The following PGPEP1 variants were observed in gnomAD, a reference collection of about 807,000 sequenced individuals.
PGPEP1 encodes pyroglutamyl-peptidase 1.
Under a neutral mutation model 24.1 loss-of-function variants are expected in PGPEP1, and 15 were observed. The observed-to-expected ratio is 0.62, with a 90% CI of 0.42 to 0.96. PGPEP1 has a LOEUF of 0.96. Ranked by LOEUF, PGPEP1 falls within the 40% of genes least tolerant of loss-of-function variation. The pLI is 0.00. For missense variants in PGPEP1, 242 were observed against 273.4 expected (o/e 0.89, Z 0.81); for synonymous variants, 122 against 116.4 (o/e 1.05, Z -0.31).
chr19:18,357,668 A>T, intron 4 of PGPEP1, 53 bp downstream of exon 4: 1 of 1,311,066 alleles, frequency 7.6e-7, no homozygotes. Context: ...CCACCCACTG[A>T]GCCTGGTGTA....
rs1328085870 is a variant in PGPEP1, at chr19:18,340,609, G to C, written c.-73G>C. Reference sequence around the variant, plus strand: ...GACAGGGGCGTGGCCTCGCGCGGCCGAGAGGCTGCAGCGGCAGCAGCTGTC... The same window carrying C: ...GACAGGGGCGTGGCCTCGCGCGGCCCAGAGGCTGCAGCGGCAGCAGCTGTC... On this transcript the variant is annotated 5_prime_UTR_variant, in exon 1 of 5. Transcript: ENST00000269919. 57 of 1,416,012 alleles carry C rather than the reference G, an allele frequency of 4.0e-5. No homozygotes were observed. In the South Asian group the frequency reaches 4.5e-4, roughly 11 times the overall value. 87.7% of individuals were successfully genotyped at this position (1,416,012 alleles called of 1,614,324 possible).
At chr19:18,362,819 G>C (rs1971380861) in intron 4 of PGPEP1, among the ~76,000 whole-genome samples, 1 of 151,664 alleles carries the variant, frequency 6.6e-6, no homozygotes, top group African/African-American at 2.4e-5. Flanking sequence ...TGGAGGCCAG[G>C]TTGCACTCCA....
In PGPEP1 at chr19:18,357,576, GC is replaced by G; in HGVS notation, c.400del (p.Leu134TrpfsTer5). 1 of 1,612,058 alleles carries G rather than the reference GC, an allele frequency of 6.2e-7. No homozygotes were observed. Among genetic ancestry groups the G allele is most frequent in the Non-Finnish European group, 8.5e-7 (1 of 1,179,106 alleles). On this transcript the variant is annotated frameshift_variant, in exon 4 of 5. Coordinates refer to ENST00000269919, the MANE Select transcript of PGPEP1 (RefSeq NM_017712.4). LOFTEE classifies it high-confidence loss of function. The part of the protein sequence containing the change: ...DAVCKRVTTL[G>X]LDVSVTISQD... ...GTGTGCAAGCGAGTCACCACGTTGGGCCTGGATGTGTCGGTGACCATCTCGC... is the reference window on the plus strand; with the variant it reads ...GTGTGCAAGCGAGTCACCACGTTGGGCTGGATGTGTCGGTGACCATCTCGC...
chr19:18,346,049 T>C (rs1458775639), intron 2 of PGPEP1, among the ~76,000 whole-genome samples: 1 of 151,676 alleles, frequency 6.6e-6, no homozygotes, highest in Non-Finnish European at 1.5e-5. Context: ...ATCTCGAACA[T>C]TCTCTGGTTC....
chr19:18,345,398 TAAACA>T (rs1225432942), intron 2 of PGPEP1, among the ~76,000 whole-genome samples: 3 of 151,738 alleles, frequency 2.0e-5, no homozygotes, highest in African/African-American at 7.2e-5. Context: ...TTGTTTCACT[TAAACA>T]AAACAAAACA....
chr19:18,362,600 C>T (rs1004118085), intron 4 of PGPEP1, among the ~76,000 whole-genome samples: 3 of 151,580 alleles, frequency 2.0e-5, no homozygotes, highest in Non-Finnish European at 2.9e-5. Flanking sequence ...GTGTGGCCCA[C>T]GCCCGTAATC....
rs1311791811 is a variant in PGPEP1 at position 18,363,461 on chromosome 19, C to T, written c.508C>T (p.Pro170Ser). 4 of 1,614,112 alleles carry T rather than the reference C, an allele frequency of 2.5e-6. No individual in the cohort carries two copies. The highest frequency in any genetic ancestry group is 4.5e-5 in the East Asian group (2 of 44,882). Residue 170 changes from proline to serine, a missense_variant, in exon 5 of 5, where the codon CCC becomes TCC. Transcript: ENST00000269919. ...SHGRSAFVHV[P>S]PLGKPYNADQ... is the part of the protein sequence containing the mutation. The stretch of plus-strand genomic sequence containing the variant: ...CGGTCGATCAGCCTTCGTCCACGTG[C>T]CCCCACTGGGGAAGCCGTACAACGC...
chr19:18,363,805 A>C lies in PGPEP1; in HGVS notation c.*222A>C, dbSNP rs899301288. ...TTTTTTCTCCCATTTTCCTCCCTGC[A>C]TCTGGGGACACAGCTGCCGTGACCA... is the stretch of plus-strand genomic sequence containing the variant. On this transcript the variant is annotated 3_prime_UTR_variant, in exon 5 of 5. Transcript: ENST00000269919. 2.3e-6 allele frequency: 1 copy of C among 443,950 alleles called. No homozygotes were observed. The highest frequency in any genetic ancestry group is 4.1e-6 in the Non-Finnish European group (1 of 244,446). The allele number at this position is 443,950 out of a possible 1,614,324, so 27.5% of individuals were successfully genotyped here.
chr19:18,346,787 T>A (rs975386978), intron 2 of PGPEP1, among the ~76,000 whole-genome samples: 1 of 151,836 alleles, frequency 6.6e-6, no homozygotes, highest in Non-Finnish European at 1.5e-5. Flanking sequence ...ATTACAGGCA[T>A]GTACCACCAC....
rs1457244777 is a variant in PGPEP1 at position 18,364,164 on chromosome 19, T to C, written c.*581T>C. On this transcript the variant is annotated 3_prime_UTR_variant, in exon 5 of 5. Coordinates refer to ENST00000269919, the MANE Select transcript of PGPEP1 (RefSeq NM_017712.4). ...TCTTCTCTCTCTCTCTTTTTTTTTT[T>C]TTTTAAATAGTGCTAGTTTGGGCAC... The C allele has an allele frequency of 4.0e-5, 4 of 99,630 alleles. No individual in the cohort carries two copies. Among genetic ancestry groups the C allele is most frequent in the African/African-American group, 1.7e-4 (4 of 23,296 alleles). 6.2% of individuals were successfully genotyped at this position (99,630 alleles called of 1,614,324 possible). A position where few individuals can be genotyped will look rare whatever the true frequency, so the allele number is the denominator to read the frequency against.
chr19:18,344,590 C>T (rs1456452170), intron 2 of PGPEP1, among the ~76,000 whole-genome samples: 2 of 141,136 alleles, frequency 1.4e-5, no homozygotes, highest in Non-Finnish European at 3.0e-5. Context: ...GGCTGTTTCC[C>T]TTTTTTTTTT....
At chr19:18,345,151 A>G (rs931470327) in intron 2 of PGPEP1, among the ~76,000 whole-genome samples, 2 of 151,860 alleles carry the variant, frequency 1.3e-5, no homozygotes, top group African/African-American at 4.8e-5. Context: ...ACAGCTGCGC[A>G]CCACCAGGCC....
chr19:18,352,423 T>C (rs1025525968), intron 2 of PGPEP1, among the ~76,000 whole-genome samples: 1 of 146,162 alleles, frequency 6.8e-6, no homozygotes, highest in Admixed American at 6.8e-5. Context: ...TTTTTGATAA[T>C]CCATCTCAAA....
At chr19:18,343,040 C>T (rs916479851) in intron 2 of PGPEP1, 129 bp downstream of exon 2, 1 of 686,382 alleles carries the variant, frequency 1.5e-6, no homozygotes, top group South Asian at 1.8e-5. Context: ...TACTCTGTCA[C>T]CCAGGCTGGA....
intron 2 of PGPEP1, among the ~76,000 whole-genome samples, chr19:18,352,292 T>C (rs1010873766): frequency 3.4e-4 from 26 of 75,370 alleles, no homozygotes; most frequent in Non-Finnish European, 7.9e-4. Flanking sequence ...AAAAAATTAG[T>C]TGGGTGTTTT....
At chr19:18,341,364 A>AC (rs1008888891) in intron 1 of PGPEP1, among the ~76,000 whole-genome samples, 70 of 151,668 alleles carry the variant, frequency 4.6e-4, no homozygotes, top group African/African-American at 1.5e-3. Flanking sequence ...ACTCCCCCCC[A>AC]CCCCCAAACC....
intron 4 of PGPEP1, among the ~76,000 whole-genome samples, chr19:18,363,058 TGTG>T: frequency 6.6e-6 from 1 of 151,404 alleles, no homozygotes; most frequent in African/African-American, 2.4e-5. Context: ...TGTGTGTGTG[TGTG>T]TGTGTGTTTT....
chr19:18,352,325 A>G (rs1168885825), intron 2 of PGPEP1, among the ~76,000 whole-genome samples: 1 of 148,324 alleles, frequency 6.7e-6, no homozygotes, highest in Non-Finnish European at 1.5e-5. Context: ...GAGTACTGTA[A>G]TCCCAGTACT....
chr19:18,358,784 T>G (rs1971263076), intron 4 of PGPEP1, among the ~76,000 whole-genome samples: 1 of 150,820 alleles, frequency 6.6e-6, no homozygotes, highest in Non-Finnish European at 1.5e-5. Flanking sequence ...CCAGCAAATT[T>G]TTTGTATTTT....
Sources: allele counts gnomAD v4.1 joint callset (sites outside exome capture counted in the v4.1 genomes callset), GRCh38; gene constraint gnomAD v4.1.1; transcripts MANE v1.5; gene names NCBI Gene and HGNC (gene_info 2026-07-23, HGNC 2026-07-21).